Variants in NLRP3 observed in about 807,000 individuals in gnomAD.
NLRP3 encodes the protein NLR family pyrin domain containing 3.
NLRP3 carries 48 observed loss-of-function variants against 91.3 expected under a neutral mutation model. That is an observed-to-expected ratio of 0.53 (90% CI 0.42 to 0.67). The LOEUF is 0.67. Ranked by LOEUF, NLRP3 falls within the 30% of genes least tolerant of loss-of-function variation. The pLI, the probability that NLRP3 is intolerant of heterozygous loss-of-function variation, is 0.00. For synonymous variants in NLRP3, 561 were observed against 507.9 expected (o/e 1.10, Z -1.41); for missense variants, 982 against 1,276.9 (o/e 0.77, Z 3.52).
chr1:247,438,378 GTTTTTT>G (rs74163772), intron 7 of NLRP3, among the ~76,000 whole-genome samples: 1 of 71,914 alleles, frequency 1.4e-5, no homozygotes, highest in African/African-American at 5.3e-5. Context: ...GTTTAGTTGT[GTTTTTT>G]TTTTTTTTTT....
chr1:247,433,015 G>T (rs7514428), intron 5 of NLRP3, among the ~76,000 whole-genome samples: 1 of 151,708 alleles, frequency 6.6e-6, no homozygotes, highest in South Asian at 2.1e-4. Context: ...CTTGTCTTTA[G>T]AAGATAATAA....
chr1:247,429,667 G>A lies in NLRP3; in HGVS notation c.2233G>A (p.Asp745Asn). The A allele has an allele frequency of 1.2e-6, 2 of 1,614,090 alleles. No individual in the cohort carries two copies. The highest frequency in any genetic ancestry group is 2.7e-5 in the African/African-American group (2 of 75,006). The change falls in exon 5 of 10, where the codon GAC becomes AAC. Residue 745 changes from aspartate (D) to asparagine (N), a missense_variant. By Grantham distance (23) the Asp-to-Asn change is conservative (BLOSUM62 1). Around this residue, in one of 5 missense-constraint regions of NLRP3, gnomAD observed 373 missense variants for 431.5 expected, o/e 0.86. Coordinates refer to ENST00000336119, the MANE Select transcript of NLRP3 (RefSeq NM_001243133.2). Reference sequence around the variant, plus strand: ...CACCAGCCAGAGTCTAACTGAATTGGACCTCAGTGACAATTCTCTGGGGGA... The same window carrying A: ...CACCAGCCAGAGTCTAACTGAATTGAACCTCAGTGACAATTCTCTGGGGGA... ...LSTSQSLTEL[D>N]LSDNSLGDPG... is the part of the protein sequence containing the mutation.
At chr1:247,421,789 G>A (rs1037932515) in intron 2 of NLRP3, among the ~76,000 whole-genome samples, 1 of 152,128 alleles carries the variant, frequency 6.6e-6, no homozygotes, top group Non-Finnish European at 1.5e-5. Context: ...GTTATAACTA[G>A]GGTTAGAAGT....
intron 7 of NLRP3, among the ~76,000 whole-genome samples, chr1:247,442,701 A>C (rs1472887685): frequency 6.6e-6 from 1 of 152,100 alleles, no homozygotes; most frequent in Non-Finnish European, 1.5e-5. Context: ...TAAGCCTTAG[A>C]TTTCTAATAT....
rs573681441 is a variant in NLRP3 at position 247,429,765 on chromosome 1, C to T, written c.2321+10C>T. On this transcript the variant is annotated intron_variant, in intron 5 of 9. Transcript: ENST00000336119. Reference sequence around the variant, plus strand: ...ACATTCGGAGATTGTGGTGAGTCCCCGTGCATGTGATCTGTGTGAGTGCAA... The same window carrying T: ...ACATTCGGAGATTGTGGTGAGTCCCTGTGCATGTGATCTGTGTGAGTGCAA... 7.4e-6 allele frequency: 12 copies of T among 1,613,082 alleles called. No homozygotes were observed. The highest frequency in any genetic ancestry group is 4.4e-5 in the South Asian group (4 of 90,968).
chr1:247,443,555 T>A (rs1396322123), intron 7 of NLRP3, among the ~76,000 whole-genome samples: 1 of 133,250 alleles, frequency 7.5e-6, no homozygotes, highest in Non-Finnish European at 1.6e-5. Flanking sequence ...TTTTCCTGTC[T>A]CTCTTAAAAA....
rs1662711918 is a variant in NLRP3, at chr1:247,424,436, C to T, written c.987C>T (p.Leu329=). The part of the protein sequence containing the change: ...DWQKAERGDI[L]LSSLIRKKLL... ...AGAAGGCCGAGCGGGGAGACATTCT[C>T]CTGAGCAGCCTCATCAGAAAGAAGC... The change falls in exon 4 of 10, where the codon CTC becomes CTT. Residue 329 remains leucine, a synonymous_variant. Coordinates refer to ENST00000336119, the MANE Select transcript of NLRP3 (RefSeq NM_001243133.2). The surrounding 1 kb of genome is among the most constrained non-coding windows in gnomAD (Gnocchi z 8.1). 2 of 1,614,176 alleles carry T rather than the reference C, an allele frequency of 1.2e-6. No individual in the cohort carries two copies. The highest frequency in any genetic ancestry group is 1.3e-5 in the African/African-American group (1 of 75,052).
At chr1:247,439,017 AATCC>A (rs71568614) in intron 7 of NLRP3, among the ~76,000 whole-genome samples, 10 of 13,532 alleles carry the variant, frequency 7.4e-4, no homozygotes, top group African/African-American at 2.2e-3. Flanking sequence ...TCCATCCGTC[AATCC>A]ATCCATCCAT....
chr1:247,434,361 T>G, intron 6 of NLRP3, 88 bp downstream of exon 6: 1 of 1,416,772 alleles, frequency 7.1e-7, no homozygotes, highest in Non-Finnish European at 1.0e-6. Flanking sequence ...GGCTGGGGTT[T>G]GAGTGAGAAT....
intron 9 of NLRP3, among the ~76,000 whole-genome samples, chr1:247,446,894 C>A (rs1327823478): frequency 6.6e-6 from 1 of 152,178 alleles, no homozygotes; most frequent in East Asian, 1.9e-4. Context: ...CTTGTGCCAA[C>A]ATAATGGAGC....
At chr1:247,419,564 T>C (rs1173611066) in intron 2 of NLRP3, among the ~76,000 whole-genome samples, 2 of 152,236 alleles carry the variant, frequency 1.3e-5, no homozygotes, top group East Asian at 1.9e-4. Context: ...ACCCATTGAA[T>C]GATAACTCCT....
At chr1:247,441,456 T>C (rs965959604) in intron 7 of NLRP3, among the ~76,000 whole-genome samples, 6 of 152,160 alleles carry the variant, frequency 3.9e-5, no homozygotes, top group Admixed American at 2.0e-4. Flanking sequence ...TCTTGCTATG[T>C]TGCCCAGGCT....
chr1:247,431,611 C>T (rs1663335428), intron 5 of NLRP3, among the ~76,000 whole-genome samples: 1 of 152,314 alleles, frequency 6.6e-6, no homozygotes, highest in East Asian at 1.9e-4. Context: ...CCTGGACAGA[C>T]ATCTTAGTAC....
chr1:247,428,697 G>A (rs946166684), intron 4 of NLRP3, among the ~76,000 whole-genome samples: 16 of 152,226 alleles, frequency 1.1e-4, no homozygotes, highest in South Asian at 2.1e-4. Flanking sequence ...ACTCGTGCCT[G>A]TAACCTCAGC....
rs564799743 is a variant in NLRP3 at position 247,437,697 on chromosome 1, G to A, written c.2663+1557G>A. 5.5e-4 allele frequency among the ~76,000 whole-genome samples: 84 copies of A among 152,212 alleles called. 1 individual carries two copies. Among genetic ancestry groups the A allele is most frequent in the Non-Finnish European group, 9.1e-4 (62 of 68,048 alleles). On this transcript the variant is annotated intron_variant, in intron 7 of 9. Coordinates refer to ENST00000336119, the MANE Select transcript of NLRP3 (RefSeq NM_001243133.2). ...AGACCAAAATCCTGTTTTCACAACC[G>A]TTCTTTTAGGGAAGTGATAACAGAT...
chr1:247,419,106 A>C (rs766339935), intron 2 of NLRP3, 29 bp downstream of exon 2: 4 of 1,596,040 alleles, frequency 2.5e-6, no homozygotes, highest in Non-Finnish European at 3.4e-6. Context: ...TTTAAAAAAA[A>C]TTGTGGCCAA....
intron 9 of NLRP3, 80 bp downstream of exon 9, chr1:247,444,901 G>C (rs1373345882): frequency 5.5e-6 from 8 of 1,462,726 alleles, no homozygotes; most frequent in Admixed American, 1.8e-5. Flanking sequence ...ATCCAGGATG[G>C]CTCTCGCTTC....
chr1:247,421,475 C>T lies in NLRP3; in HGVS notation c.278-1755C>T, dbSNP rs943162600. 2.0e-5 allele frequency among the ~76,000 whole-genome samples: 3 copies of T among 152,176 alleles called. No homozygotes were observed. In the South Asian group the frequency reaches 6.2e-4, roughly 31 times the overall value. ...ATCTCTAAGTAAATAAAGCAATTAT[C>T]ATTGTGTCAGTACTTATATACTCAC... On this transcript the variant is annotated intron_variant, in intron 2 of 9. Coordinates refer to ENST00000336119, the MANE Select transcript of NLRP3 (RefSeq NM_001243133.2).
In NLRP3 at chr1:247,425,998, G is replaced by A. The variant is rs1662850359; in HGVS notation, c.2150+399G>A. ...TGTCCCAGGAGCGAGGGGACAGAGG[G>A]CCTCAGAGCTGGAGGCTGGGGGGAT... On this transcript the variant is annotated intron_variant, in intron 4 of 9. Coordinates refer to ENST00000336119, the MANE Select transcript of NLRP3 (RefSeq NM_001243133.2). The surrounding 1 kb of genome is among the most constrained non-coding windows in gnomAD (Gnocchi z 4.1). 6.6e-6 allele frequency among the ~76,000 whole-genome samples: 1 copy of A among 152,154 alleles called. No individual in the cohort carries two copies. The highest frequency in any genetic ancestry group is 1.5e-5 in the Non-Finnish European group (1 of 68,038).
Sources: gnomAD v4.1 joint callset for allele counts (sites outside exome capture counted in the v4.1 genomes callset) on GRCh38, gnomAD v4.1.1 for gene constraint, gnomAD v4.1.1 regional missense constraint, Gnocchi (gnomAD v3.1) non-coding constraint, MANE v1.5 for transcripts, NCBI Gene and HGNC (gene_info 2026-07-23, HGNC 2026-07-21) for gene names.